Variants in PABPC1L observed in about 807,000 individuals in gnomAD.
PABPC1L encodes polyadenylate-binding protein 1-like.
A neutral mutation model predicts 66.6 loss-of-function variants in PABPC1L; 31 were observed. The ratio of observed to expected loss-of-function variants is 0.47; its 90% CI spans 0.35 to 0.63. The LOEUF (loss-of-function observed/expected upper bound fraction) is 0.63, where lower values mean the gene tolerates loss of function less well. Ranked by LOEUF, PABPC1L falls within the 20% of genes least tolerant of loss-of-function variation. PABPC1L has a pLI of 0.00. For synonymous variants in PABPC1L, 348 were observed against 335.1 expected, an observed-to-expected ratio of 1.04 and a Z score of -0.42; for missense variants, 722 against 848.8, an observed-to-expected ratio of 0.85 and a Z score of 1.86.
intron 12 of PABPC1L, 188 bp downstream of exon 12, chr20:44,936,918 G>A (rs3746583): frequency 2.9e-6 from 2 of 687,036 alleles, no homozygotes; most frequent in South Asian, 1.5e-5. Flanking sequence ...GTCTTAAAAC[G>A]CTGGTCAGAC....
At chr20:44,937,964 G>T in intron 12 of PABPC1L, 97 bp from the exon 13 acceptor site, 4 of 1,531,064 alleles carry the variant, frequency 2.6e-6, no homozygotes, top group Non-Finnish European at 8.9e-7. Context: ...TCTGGGAGAA[G>T]AACCCAGATG....
intron 5 of PABPC1L, among the ~76,000 whole-genome samples, chr20:44,921,043 C>T (rs2066769262): frequency 6.6e-6 from 1 of 151,776 alleles, no homozygotes; most frequent in African/African-American, 2.4e-5. Flanking sequence ...GAACTCCTGA[C>T]CTCAAGTGAT....
chr20:44,931,020 TCCCTCCCTTC>T lies in PABPC1L; in HGVS notation c.1239+297_1239+306del, dbSNP rs1568649941. ...TTTTTCCTTCCTCCCTTCCTTCCCT[TCCCTCCCTTC>T]CCTCCCTTCCCTCCCTTCCCTTCCC... On this transcript the variant is annotated intron_variant, in intron 8 of 14. Transcript: ENST00000217073. 2.6e-3 allele frequency among the ~76,000 whole-genome samples: 59 copies of T among 22,410 alleles called. 4 individuals carry two copies. The highest frequency in any genetic ancestry group is 8.7e-3 in the African/African-American group (58 of 6,640). 14.7% of individuals were successfully genotyped at this position (22,410 alleles called of 152,430 possible).
chr20:44,938,568 G>A, intron 13 of PABPC1L, 106 bp from the exon 14 acceptor site: 2 of 1,314,398 alleles, frequency 1.5e-6, no homozygotes, highest in Non-Finnish European at 2.1e-6. Context: ...CCCTGTGGAT[G>A]GAGGAGGATC....
intron 8 of PABPC1L, among the ~76,000 whole-genome samples, chr20:44,930,947 T>C (rs561512347): frequency 6.0e-4 from 92 of 152,326 alleles, no homozygotes; most frequent in Non-Finnish European, 1.1e-3. Context: ...AAAAAGACTC[T>C]TAATGATCCA....
At chr20:44,923,089 T>C (rs1291852267) in intron 6 of PABPC1L, among the ~76,000 whole-genome samples, 2 of 152,240 alleles carry the variant, frequency 1.3e-5, no homozygotes, top group Non-Finnish European at 2.9e-5. Context: ...TCTGTTCTCT[T>C]GTACATTCAT....
chr20:44,939,104 AT>A, intron 14 of PABPC1L, 21 bp from the exon 15 acceptor site: 1 of 717,632 alleles, frequency 1.4e-6, no homozygotes, highest in Non-Finnish European at 2.6e-6. Flanking sequence ...AAAAACACTT[AT>A]TTTTACCTTT....
At chr20:44,915,364 G>T (rs1242897137) in intron 2 of PABPC1L, among the ~76,000 whole-genome samples, 2 of 152,136 alleles carry the variant, frequency 1.3e-5, no homozygotes, top group Non-Finnish European at 2.9e-5. Flanking sequence ...CCTTGAAGTG[G>T]GGGGTTAGTG....
intron 6 of PABPC1L, 98 bp from the exon 7 acceptor site, chr20:44,924,063 C>T: frequency 1.0e-6 from 1 of 963,534 alleles, no homozygotes; most frequent in Non-Finnish European, 1.7e-6. Context: ...TGGTGGGGCT[C>T]CCCATGCCCC....
intron 11 of PABPC1L, 35 bp downstream of exon 11, chr20:44,935,532 G>A (rs1395094515): frequency 1.3e-6 from 2 of 1,579,644 alleles, no homozygotes; most frequent in South Asian, 1.1e-5. Context: ...CTTAGCCTGG[G>A]CTCCTGGCCG....
At chr20:44,936,866 C>A in intron 12 of PABPC1L, 136 bp downstream of exon 12, 2 of 888,508 alleles carry the variant, frequency 2.3e-6, no homozygotes, top group East Asian at 2.7e-5. Context: ...TACTGGGTGA[C>A]CGTGGCCAAG....
Position 44,910,267 on chromosome 20 carries a change from G to A in PABPC1L, c.124G>A (p.Val42Met). ...SPAGPILSIRVCRDVATRRSL... is the reference protein window; with the variant it reads ...SPAGPILSIRMCRDVATRRSL... ...CGCCGGCCCCATCCTGTCCATCCGCGTGTGCCGCGATGTAGCCACCCGGCG... is the reference window on the plus strand; with the variant it reads ...CGCCGGCCCCATCCTGTCCATCCGCATGTGCCGCGATGTAGCCACCCGGCG... Residue 42 changes from valine (V) to methionine (M), a missense_variant, in exon 1 of 15, where the codon GTG becomes ATG. By Grantham distance (21) the Val-to-Met change is conservative. This residue lies in a region of PABPC1L where 284 missense variants were observed against 294.8 expected (regional missense o/e 0.96). Transcript: ENST00000217073. 3 of 1,556,838 alleles carry A rather than the reference G, an allele frequency of 1.9e-6. No individual in the cohort carries two copies. The highest frequency in any genetic ancestry group is 2.6e-6 in the Non-Finnish European group (3 of 1,150,268).
rs2066793215 is a variant in PABPC1L, at chr20:44,924,249, G to C, written c.965G>C (p.Ser322Thr). ...KEFSPYGVITSAKVMTEGGHS... is the reference protein window; with the variant it reads ...KEFSPYGVITTAKVMTEGGHS... ...TTCTCTCCCTATGGAGTAATTACCA[G>C]TGCGAAGGTGAGGACTGGGGGCACC... Residue 322 changes from serine to threonine, a missense_variant, in exon 7 of 15, where the codon AGT (serine) becomes ACT (threonine). Ser to Thr is a moderately conservative substitution (Grantham distance 58). Around this residue, in one of 3 missense-constraint regions of PABPC1L, gnomAD observed 137 missense variants for 216.8 expected, o/e 0.63. Transcript: ENST00000217073. The C allele has an allele frequency of 6.2e-7, 1 of 1,612,934 alleles. No homozygotes were observed. Among genetic ancestry groups the C allele is most frequent in the Non-Finnish European group, 8.5e-7 (1 of 1,178,996 alleles).
chr20:44,916,214 A>T (rs1361022804), intron 2 of PABPC1L, among the ~76,000 whole-genome samples: 3 of 152,210 alleles, frequency 2.0e-5, no homozygotes, highest in Non-Finnish European at 4.4e-5. Flanking sequence ...AAAAGCCAGT[A>T]TGCAGTATAG....
chr20:44,912,800 A>G lies in PABPC1L; in HGVS notation c.334A>G (p.Asn112Asp), dbSNP rs2066714143. The change falls in exon 2 of 15, where the codon AAC becomes GAC. Residue 112 changes from asparagine to aspartate, a missense_variant. Physicochemically the swap from Asn to Asp is conservative, Grantham distance 23. Coordinates refer to ENST00000217073, the MANE Select transcript of PABPC1L (RefSeq NM_001372179.1). ...CAAGAACCTGGAGGACTCCATTGAC[A>G]ACAAGGCTTTATATGATACCTTCTC... ...FIKNLEDSID[N>D]KALYDTFSTF... 6.2e-7 allele frequency: 1 copy of G among 1,614,142 alleles called. No individual in the cohort carries two copies. Among genetic ancestry groups the G allele is most frequent in the African/African-American group, 1.3e-5 (1 of 75,024 alleles).
chr20:44,930,309 A>G (rs1180837534), intron 7 of PABPC1L, 151 bp from the exon 8 acceptor site: 8 of 1,099,022 alleles, frequency 7.3e-6, no homozygotes, highest in Non-Finnish European at 1.0e-5. Flanking sequence ...AACACAGCTT[A>G]GTAAACAGGG....
intron 5 of PABPC1L, 40 bp downstream of exon 5, chr20:44,919,317 C>T: frequency 1.2e-6 from 2 of 1,601,236 alleles, no homozygotes; most frequent in Non-Finnish European, 1.7e-6. Flanking sequence ...AGCAGGGGGA[C>T]CGAGCTGGGA....
chr20:44,937,934 C>A, intron 12 of PABPC1L, 127 bp from the exon 13 acceptor site: 1 of 1,285,506 alleles, frequency 7.8e-7, no homozygotes, highest in South Asian at 1.4e-5. Flanking sequence ...TGTTAAATGT[C>A]ATAGCCTAGA....
chr20:44,915,120 G>A (rs1220883823), intron 2 of PABPC1L, among the ~76,000 whole-genome samples: 1 of 152,204 alleles, frequency 6.6e-6, no homozygotes. Context: ...GCATGGGTTT[G>A]GAAGCAAGAT....
Sources: gnomAD v4.1 joint callset for allele counts (sites outside exome capture counted in the v4.1 genomes callset) on GRCh38, gnomAD v4.1.1 for gene constraint, gnomAD v4.1.1 regional missense constraint, MANE v1.5 for transcripts, NCBI Gene and HGNC (gene_info 2026-07-23, HGNC 2026-07-21) for gene names.